The following COL6A2 variants were observed in gnomAD, a reference collection of about 807,000 sequenced individuals.
COL6A2 encodes the protein collagen type VI alpha 2 chain.
COL6A2 carries 90 observed loss-of-function variants against 124.9 expected under a neutral mutation model. The ratio of observed to expected loss-of-function variants is 0.72; its 90% CI spans 0.61 to 0.86. The LOEUF is 0.86. Among genes scored for constraint, COL6A2 ranks in the 40% least tolerant of loss-of-function variants. The probability of loss-of-function intolerance (pLI) is 0.00; values close to 1 mark genes in which losing one functional copy is unlikely to be tolerated. For synonymous variants in COL6A2, 793 were observed against 618.2 expected (o/e 1.28, Z -4.19); for missense variants, 1,607 against 1,502.5 (o/e 1.07, Z -1.15).
chr21:46,121,027 C>T (rs367901438), intron 16 of COL6A2, 34 bp from the exon 17 acceptor site: 8 of 1,607,074 alleles, frequency 5.0e-6, no homozygotes, highest in Admixed American at 3.3e-5. Flanking sequence ...TGCTGTCAGT[C>T]AAGAGAACCC....
Position 46,111,444 on chromosome 21 carries a change from T to C in COL6A2, c.-27-6T>C. On this transcript the variant is annotated splice_polypyrimidine_tract_variant and splice_region_variant and intron_variant, in intron 1 of 27. Transcript: ENST00000300527. The stretch of plus-strand genomic sequence containing the variant: ...GGTGTCTGAGCGACCCCCACCCCTG[T>C]TGCAGGACTTCAGGGCCACAGGTGC... 1 of 1,553,014 alleles carries C rather than the reference T, an allele frequency of 6.4e-7. No homozygotes were observed. The highest frequency in any genetic ancestry group is 8.9e-7 in the Non-Finnish European group (1 of 1,127,566).
chr21:46,125,518 G>A lies in COL6A2; in HGVS notation c.1870G>A (p.Glu624Lys), dbSNP rs387906607. 1 of 1,612,882 alleles carries A rather than the reference G, an allele frequency of 6.2e-7. No homozygotes were observed. Among genetic ancestry groups the A allele is most frequent in the African/African-American group, 1.3e-5 (1 of 74,938 alleles). The change falls in exon 25 of 28, where the codon GAG becomes AAG. Residue 624 changes from glutamate to lysine, a missense_variant. By Grantham distance (56) the Glu-to-Lys change is moderately conservative. This residue lies in a region of COL6A2 where 1,223 missense variants were observed against 1,052.2 expected (regional missense o/e 1.16). Coordinates refer to ENST00000300527, the MANE Select transcript of COL6A2 (RefSeq NM_001849.4). The part of the protein sequence containing the change: ...LDVVFVIDSS[E>K]SIGYTNFTLE... ...CGTGGTCTTCGTCATCGACAGCTCC[G>A]AGAGCATTGGGTACACCAACTTCAC...
intron 27 of COL6A2, among the ~76,000 whole-genome samples, chr21:46,126,988 G>C (rs992931164): frequency 7.1e-6 from 1 of 141,082 alleles, no homozygotes; most frequent in Non-Finnish European, 1.5e-5. Flanking sequence ...ACCCTGGCCT[G>C]CCTCGGAGCT....
At chr21:46,118,804 G>C in intron 13 of COL6A2, 128 bp downstream of exon 13, 1 of 1,201,284 alleles carries the variant, frequency 8.3e-7, no homozygotes, top group Non-Finnish European at 1.2e-6. Context: ...GGGGACACGG[G>C]GAGGGACAGG....
At chr21:46,129,174 T>C (rs747844815) in intron 27 of COL6A2, 1 of 1,612,746 alleles carries the variant, frequency 6.2e-7, no homozygotes, top group East Asian at 2.2e-5. Context: ...CCTTACAGTC[T>C]TCTCTGGACG....
At position 46,125,486 on chromosome 21, in the gene COL6A2, C is replaced by T. The variant is rs929008624; in HGVS notation, c.1838C>T (p.Ala613Val). The T allele has an allele frequency of 3.1e-6, 5 of 1,612,758 alleles. No individual in the cohort carries two copies. The highest frequency in any genetic ancestry group is 2.7e-5 in the African/African-American group (2 of 74,922). ...GCCDCEKRCG[A>V]LDVVFVIDSS... Reference sequence around the variant, plus strand: ...CCAGACTGTGAGAAGCGCTGTGGCGCCCTGGACGTGGTCTTCGTCATCGAC... The same window carrying T: ...CCAGACTGTGAGAAGCGCTGTGGCGTCCTGGACGTGGTCTTCGTCATCGAC... The change falls in exon 25 of 28, where the codon GCC becomes GTC. Residue 613 changes from alanine to valine, a missense_variant. Around this residue, in one of 3 missense-constraint regions of COL6A2, gnomAD observed 1,223 missense variants for 1,052.2 expected, o/e 1.16. Transcript: ENST00000300527.
intron 4 of COL6A2, 77 bp downstream of exon 4, chr21:46,112,901 C>T: frequency 6.3e-7 from 1 of 1,582,694 alleles, no homozygotes; most frequent in Non-Finnish European, 8.7e-7. Flanking sequence ...GCTGCCGACT[C>T]CTGGCGCCTC....
chr21:46,125,830 A>C lies in COL6A2; in HGVS notation c.2015A>C (p.Glu672Ala). ...VVQYSHEGTFEAIQLDDERID... is the reference protein window; with the variant it reads ...VVQYSHEGTFAAIQLDDERID... ...CAGTACAGCCACGAGGGCACCTTTG[A>C]GGCCATCCAGCTGGACGACGAACGT... The change falls in exon 26 of 28, where the codon GAG (glutamate) becomes GCG (alanine). Residue 672 changes from glutamate to alanine, a missense_variant. This residue lies in a region of COL6A2 where 1,223 missense variants were observed against 1,052.2 expected (regional missense o/e 1.16). Transcript: ENST00000300527. 1 of 1,612,660 alleles carries C rather than the reference A, an allele frequency of 6.2e-7. No individual in the cohort carries two copies. The highest frequency in any genetic ancestry group is 8.5e-7 in the Non-Finnish European group (1 of 1,179,886).
Position 46,116,541 on chromosome 21 carries a change from G to T in COL6A2, c.928-110G>T. On this transcript the variant is annotated intron_variant, in intron 8 of 27. Transcript: ENST00000300527. This position sits in a 1 kb window ranked among gnomAD's most constrained non-coding sequence, Gnocchi z 4.6. Reference sequence around the variant, plus strand: ...TCAGTGGTGGCTTTGGGGGCTCCTGGGGGGTCCTGTGGCCTTGAGTTTGGC... The same window carrying T: ...TCAGTGGTGGCTTTGGGGGCTCCTGTGGGGTCCTGTGGCCTTGAGTTTGGC... The T allele has an allele frequency of 6.3e-7, 1 of 1,581,340 alleles. No individual in the cohort carries two copies.
intron 21 of COL6A2, 34 bp from the exon 22 acceptor site, chr21:46,124,617 C>CCACTGAA: frequency 6.2e-7 from 1 of 1,607,416 alleles, no homozygotes; most frequent in East Asian, 2.2e-5. Context: ...GTCCCTGGGG[C>CCACTGAA]CACTGAAGCC....
chr21:46,108,451 C>T lies in COL6A2; in HGVS notation c.-27-2999C>T, dbSNP rs747866527. On this transcript the variant is annotated intron_variant, in intron 1 of 27. Transcript: ENST00000300527. ...AAATTGTGTAGACTCTTAAAAGGGT[C>T]CATGACCACAAAGATAAGAACCACT... is the stretch of plus-strand genomic sequence containing the variant. Among the ~76,000 whole-genome samples, 89 of 152,168 alleles carry T rather than the reference C, an allele frequency of 5.8e-4. 1 individual carries two copies. The highest frequency in any genetic ancestry group is 8.1e-4 in the Non-Finnish European group (55 of 68,020).
At chr21:46,123,042 G>A in intron 21 of COL6A2, 105 bp downstream of exon 21, 2 of 1,178,862 alleles carry the variant, frequency 1.7e-6, no homozygotes, top group Non-Finnish European at 2.5e-6. Flanking sequence ...CAGGCAGCTT[G>A]GCCCCAGCCA....
chr21:46,101,232 C>G (rs2078284608), intron 1 of COL6A2, among the ~76,000 whole-genome samples: 1 of 151,994 alleles, frequency 6.6e-6, no homozygotes. Context: ...TGTTTAAGTC[C>G]TTGACCTATT....
In COL6A2 at chr21:46,112,292, G is replaced by A. The variant is rs559702721; in HGVS notation, c.429G>A (p.Glu143=). The A allele has an allele frequency of 6.2e-7, 1 of 1,612,518 alleles. No individual in the cohort carries two copies. Among genetic ancestry groups the A allele is most frequent in the South Asian group, 1.1e-5 (1 of 91,060 alleles). ...ACTGCGCGCTGGCCAACATGACGGAGCAGATCCGGCAGGACCGCAGCAAGG... is the reference window on the plus strand; with the variant it reads ...ACTGCGCGCTGGCCAACATGACGGAACAGATCCGGCAGGACCGCAGCAAGG... ...FTDCALANMT[E]QIRQDRSKGT... The change falls in exon 3 of 28, where the codon GAG becomes GAA. Residue 143 remains glutamate, a synonymous_variant. Coordinates refer to ENST00000300527, the MANE Select transcript of COL6A2 (RefSeq NM_001849.4).
At chr21:46,104,429 C>A (rs2078316837) in intron 1 of COL6A2, among the ~76,000 whole-genome samples, 1 of 152,080 alleles carries the variant, frequency 6.6e-6, no homozygotes, top group South Asian at 2.1e-4. Flanking sequence ...CAGATTTCAG[C>A]AGGCAGAATA....
chr21:46,111,421 T>C, intron 1 of COL6A2, 29 bp from the exon 2 acceptor site: 1 of 1,312,888 alleles, frequency 7.6e-7, no homozygotes, highest in Non-Finnish European at 1.1e-6. Flanking sequence ...GCACTGGGGG[T>C]GTCTGAGCGA....
At position 46,118,617 on chromosome 21, in the gene COL6A2, G is replaced by A. The variant is rs1248012506; in HGVS notation, c.1120G>A (p.Asp374Asn). 3 of 1,612,528 alleles carry A rather than the reference G, an allele frequency of 1.9e-6. No homozygotes were observed. Among genetic ancestry groups the A allele is most frequent in the South Asian group, 1.1e-5 (1 of 90,928 alleles). The change falls in exon 13 of 28, where the codon GAC (aspartate) becomes AAC (asparagine). Residue 374 changes from aspartate to asparagine, a missense_variant. Coordinates refer to ENST00000300527, the MANE Select transcript of COL6A2 (RefSeq NM_001849.4). ...CTGATTCTGCAAACCCTTCCAGGGG[G>A]ACCCTGGCCGCCCAGGACGCAGAGG... ...GERGDQGGKG[D>N]PGRPGRRGPP... is the part of the protein sequence containing the mutation.
intron 27 of COL6A2, chr21:46,129,907 G>T: frequency 1.0e-6 from 1 of 961,916 alleles, no homozygotes; most frequent in Middle Eastern, 5.2e-4. Context: ...CAGCTGGGCT[G>T]CCGTGCGTCT....
At chr21:46,098,330 T>C (rs2078248286) in intron 1 of COL6A2, among the ~76,000 whole-genome samples, 157 bp downstream of exon 1, 2 of 151,374 alleles carry the variant, frequency 1.3e-5, no homozygotes, top group Admixed American at 1.3e-4. Flanking sequence ...GGTTCGGGGC[T>C]CCTCCTCGCG....
Sources: allele counts gnomAD v4.1 joint callset (sites outside exome capture counted in the v4.1 genomes callset), GRCh38; gene constraint gnomAD v4.1.1; regional missense constraint gnomAD v4.1.1; non-coding constraint Gnocchi (gnomAD v3.1); transcripts MANE v1.5; gene names NCBI Gene and HGNC (gene_info 2026-07-23, HGNC 2026-07-21).